RAD51B: variants seen among roughly 807,000 people sequenced by gnomAD.
RAD51B encodes DNA repair protein RAD51 homolog 2.
RAD51B carries 38 observed loss-of-function variants against 42.2 expected under a neutral mutation model. The observed-to-expected ratio is 0.90, with a 90% confidence interval of 0.70 to 1.18. RAD51B has a LOEUF of 1.18. RAD51B is among the 50% of genes most tolerant of loss of function. The pLI is 0.00. For synonymous variants in RAD51B, 154 were observed against 145.2 expected, an observed-to-expected ratio of 1.06 and a Z score of -0.43; for missense variants, 373 against 400.7, an observed-to-expected ratio of 0.93 and a Z score of 0.59.
chr14:68,356,856 G>A (rs1428876376), intron 8 of RAD51B, among the ~76,000 whole-genome samples: 1 of 151,880 alleles, frequency 6.6e-6, no homozygotes, highest in Non-Finnish European at 1.5e-5. Flanking sequence ...GGTGGCGGGC[G>A]CCTGTAGTCC....
intron 8 of RAD51B, among the ~76,000 whole-genome samples, chr14:68,305,652 A>G (rs1406797087): frequency 6.6e-6 from 1 of 152,178 alleles, no homozygotes; most frequent in Non-Finnish European, 1.5e-5. Flanking sequence ...GATCTTTGTG[A>G]TGGAGGCTTG....
intron 7 of RAD51B, chr14:68,113,607 C>A (rs2077493293): frequency 6.8e-6 from 1 of 146,342 alleles, no homozygotes; most frequent in African/African-American, 2.8e-5. Context: ...AACATGAATT[C>A]TCTGCTTTAT....
intron 7 of RAD51B, among the ~76,000 whole-genome samples, chr14:67,995,785 T>G (rs1332045281): frequency 1.3e-5 from 2 of 151,638 alleles, no homozygotes; most frequent in Non-Finnish European, 2.9e-5. Flanking sequence ...GCCTGGCTAA[T>G]TTTTTGTATT....
intron 7 of RAD51B, among the ~76,000 whole-genome samples, chr14:68,133,758 CA>C (rs1182659383): frequency 1.3e-5 from 2 of 152,180 alleles, no homozygotes; most frequent in Non-Finnish European, 2.9e-5. Flanking sequence ...AGGCATGAGC[CA>C]CCATGCCTGG....
chr14:68,171,863 A>G (rs2078879807), intron 7 of RAD51B, among the ~76,000 whole-genome samples: 1 of 151,416 alleles, frequency 6.6e-6, no homozygotes, highest in South Asian at 2.1e-4. Context: ...CCCACCACCA[A>G]GCCCTGCTAA....
chr14:68,123,765 G>A (rs60841871), intron 7 of RAD51B, among the ~76,000 whole-genome samples: 15,622 of 152,020 alleles, frequency 0.1, 2,415 homozygotes, highest in African/African-American at 0.34. Flanking sequence ...CCGAGATTGC[G>A]CCACTGCACT....
chr14:67,897,844 G>T (rs1253448621), intron 7 of RAD51B, among the ~76,000 whole-genome samples: 1 of 151,944 alleles, frequency 6.6e-6, no homozygotes, highest in East Asian at 1.9e-4. Flanking sequence ...TAGAGATGAG[G>T]TTTCACCATG....
intron 7 of RAD51B, among the ~76,000 whole-genome samples, chr14:68,248,377 T>G (rs1283658370): frequency 6.6e-6 from 1 of 152,180 alleles, no homozygotes; most frequent in East Asian, 1.9e-4. Flanking sequence ...CTCATGCTCT[T>G]TGGCCTTCCA....
chr14:68,072,065 A>T (rs1458134876), intron 7 of RAD51B, among the ~76,000 whole-genome samples: 1 of 99,982 alleles, frequency 1.0e-5, no homozygotes, highest in African/African-American at 6.4e-5. Context: ...ATATATATTT[A>T]TATAAATATA....
intron 7 of RAD51B, among the ~76,000 whole-genome samples, chr14:67,964,771 G>A (rs1364310181): frequency 6.6e-6 from 1 of 152,180 alleles, no homozygotes; most frequent in Non-Finnish European, 1.5e-5. Flanking sequence ...TGTGTAGAAT[G>A]TAAAGTTGTG....
At chr14:67,838,333 C>T (rs938120077) in intron 4 of RAD51B, among the ~76,000 whole-genome samples, 2 of 151,972 alleles carry the variant, frequency 1.3e-5, no homozygotes, top group African/African-American at 4.8e-5. Flanking sequence ...TAAGAGAGAG[C>T]TAGCAAAACG....
intron 5 of RAD51B, among the ~76,000 whole-genome samples, chr14:67,885,286 A>G (rs1270388606): frequency 1.3e-5 from 2 of 152,186 alleles, no homozygotes; most frequent in East Asian, 3.8e-4. Context: ...GCATGTATTA[A>G]ACTGGCTTTG....
chr14:68,463,825 C>T (rs1041803661), intron 9 of RAD51B, among the ~76,000 whole-genome samples: 2 of 152,132 alleles, frequency 1.3e-5, no homozygotes, highest in African/African-American at 4.8e-5. Context: ...AATTTGGGCC[C>T]CAGTCCAAAC....
intron 7 of RAD51B, among the ~76,000 whole-genome samples, chr14:68,283,908 A>G (rs1165746058): frequency 6.6e-6 from 1 of 152,254 alleles, no homozygotes; most frequent in African/African-American, 2.4e-5. Context: ...CAAATGGCAG[A>G]CACAATTCTA....
downstream of RAD51B, among the ~76,000 whole-genome samples, chr14:68,615,994 C>A (rs1039993331): frequency 6.6e-6 from 1 of 152,132 alleles, no homozygotes; most frequent in African/African-American, 2.4e-5. Flanking sequence ...CCTTTTGCAT[C>A]TTTCCTTGCC....
rs34510428 is a variant in RAD51B at position 68,567,305 on chromosome 14, GA to G, written c.1037-27169del. Among the ~76,000 whole-genome samples, 541 of 148,458 alleles carry G rather than the reference GA, an allele frequency of 3.6e-3. 4 individuals carry two copies. Among genetic ancestry groups the G allele is most frequent in the African/African-American group, 0.012 (479 of 40,414 alleles). On this transcript the variant is annotated intron_variant, in intron 10 of 10. Transcript: ENST00000487270. ...ACAGAGTAAGACTCTGTCTCAGAAA[GA>G]AAAAAAAAAATTCAACTTTATTTTT...
intron 8 of RAD51B, among the ~76,000 whole-genome samples, chr14:68,321,769 G>C (rs75681487): frequency 6.6e-6 from 1 of 151,860 alleles, no homozygotes; most frequent in Admixed American, 6.6e-5. Context: ...TTATTTTTTT[G>C]AGACAGGGTC....
At chr14:67,866,824 A>T (rs1319683286) in intron 5 of RAD51B, among the ~76,000 whole-genome samples, 1 of 152,134 alleles carries the variant, frequency 6.6e-6, no homozygotes, top group Non-Finnish European at 1.5e-5. Context: ...TTTCTCCTTC[A>T]TATCTTTTTC....
At chr14:68,339,099 G>T in intron 8 of RAD51B, 2 of 689,248 alleles carry the variant, frequency 2.9e-6, no homozygotes, top group East Asian at 5.5e-5. Context: ...CACCAAGGTG[G>T]TGACCATGTT....
Sources: gnomAD v4.1 joint callset for allele counts (sites outside exome capture counted in the v4.1 genomes callset) on GRCh38, gnomAD v4.1.1 for gene constraint, MANE v1.5 for transcripts, NCBI Gene and HGNC (gene_info 2026-07-23, HGNC 2026-07-21) for gene names.